The following STC2 variants were observed in gnomAD, a reference collection of about 807,000 sequenced individuals.
The protein encoded by STC2 is stanniocalcin 2, also known as stanniocalcin-2.
In STC2, 7 loss-of-function variants were observed where a neutral mutation model predicts 22.7. The observed-to-expected ratio is 0.31, with a 90% CI of 0.18 to 0.58. The LOEUF (loss-of-function observed/expected upper bound fraction) is 0.58, where lower values mean the gene tolerates loss of function less well. STC2 is among the 20% of genes least tolerant of loss of function. STC2 has a pLI of 0.89. For synonymous variants in STC2, 158 were observed against 163.4 expected (o/e 0.97, Z 0.25); for missense variants, 336 against 406.2 (o/e 0.83, Z 1.48).
Position 173,325,422 on chromosome 5 carries a change from G to C in STC2, c.294+446C>G, listed in dbSNP as rs933349961. ...GAGAGAAAGATCTGCTACTCAGGAG[G>C]AATAGAAGTCTGCTCTTTTGGAGGT... On this transcript the variant is annotated intron_variant, in intron 2 of 3. Coordinates refer to ENST00000265087, the MANE Select transcript of STC2 (RefSeq NM_003714.3). The surrounding 1 kb of genome is among the most constrained non-coding windows in gnomAD (Gnocchi z 4.7). 1.3e-5 allele frequency among the ~76,000 whole-genome samples: 2 copies of C among 152,204 alleles called. No individual in the cohort carries two copies. Among genetic ancestry groups the C allele is most frequent in the African/African-American group, 4.8e-5 (2 of 41,444 alleles).
chr5:173,326,071 G>C, intron 1 of STC2, 61 bp from the exon 2 acceptor site: 2 of 1,551,442 alleles, frequency 1.3e-6, no homozygotes, highest in South Asian at 2.4e-5. Flanking sequence ...GCAATGCAGA[G>C]AGGTCATTTG....
chr5:173,328,103 G>A lies in STC2; in HGVS notation c.91C>T (p.Pro31Ser), dbSNP rs138219439. Reference protein sequence around the residue: ...PARGTDATNPPEGPQDRSSQQ... With the variant: ...PARGTDATNPSEGPQDRSSQQ... Reference sequence around the variant, plus strand: ...GAGCTCCTGTCTTGGGGACCCTCGGGTGGGTTGGTGGCGTCGGTCCCCCGC... The same window carrying A: ...GAGCTCCTGTCTTGGGGACCCTCGGATGGGTTGGTGGCGTCGGTCCCCCGC... The change falls in exon 1 of 4, where the codon CCC (proline) becomes TCC (serine). Residue 31 changes from proline (P) to serine (S), a missense_variant. Coordinates refer to ENST00000265087, the MANE Select transcript of STC2 (RefSeq NM_003714.3). 6 of 1,602,230 alleles carry A rather than the reference G, an allele frequency of 3.7e-6. No homozygotes were observed. The African/African-American group carries it at 8.1e-5, about 22-fold the overall frequency.
Position 173,325,984 on chromosome 5 carries a change from C to A in STC2, c.178G>T (p.Ala60Ser), listed in dbSNP as rs770708060. The change falls in exon 2 of 4, where the codon GCT (alanine) becomes TCT (serine). Residue 60 changes from alanine (A) to serine (S), a missense_variant. Physicochemically the swap from Ala to Ser is moderately conservative, Grantham distance 99 (BLOSUM62 1). Transcript: ENST00000265087. This position sits in a 1 kb window ranked among gnomAD's most constrained non-coding sequence, Gnocchi z 4.7. ...TAEIQHCLVN[A>S]GDVGCGVFEC... ...AACACGCCACACCCCACATCGCCAG[C>A]GTTGACCAAACAGTGCTGGATCTCC... 1 of 1,614,178 alleles carries A rather than the reference C, an allele frequency of 6.2e-7. No individual in the cohort carries two copies. Among genetic ancestry groups the A allele is most frequent in the Middle Eastern group, 1.6e-4 (1 of 6,062 alleles).
At chr5:173,327,859 G>A (rs1000898056) in intron 1 of STC2, among the ~76,000 whole-genome samples, 184 bp downstream of exon 1, 2 of 152,210 alleles carry the variant, frequency 1.3e-5, no homozygotes. Flanking sequence ...CAGATTCCGG[G>A]CCCTCGGAGC....
chr5:173,327,630 C>T (rs979108490), intron 1 of STC2, among the ~76,000 whole-genome samples: 1 of 152,258 alleles, frequency 6.6e-6, no homozygotes, highest in Non-Finnish European at 1.5e-5. Context: ...GCCGGCAGGC[C>T]AGGAAGAGAA....
Position 173,323,043 on chromosome 5 carries a change from A to C in STC2, c.506+176T>G. On this transcript the variant is annotated intron_variant, in intron 3 of 3. Coordinates refer to ENST00000265087, the MANE Select transcript of STC2 (RefSeq NM_003714.3). This position sits in a 1 kb window ranked among gnomAD's most constrained non-coding sequence, Gnocchi z 5.4. ...ATGAGGGAATTCTCTCTTTTCCTAA[A>C]AGCCAGCAGGAAAGGGGCCTTTTAG... The C allele has an allele frequency of 1.6e-6, 1 of 621,960 alleles. No individual in the cohort carries two copies. The highest frequency in any genetic ancestry group is 2.9e-5 in the Admixed American group (1 of 34,202). 38.5% of individuals were successfully genotyped at this position (621,960 alleles called of 1,614,324 possible).
intron 3 of STC2, 93 bp from the exon 4 acceptor site, chr5:173,318,342 G>A: frequency 1.6e-6 from 2 of 1,250,070 alleles, no homozygotes; most frequent in East Asian, 5.7e-5. Flanking sequence ...CAGAGGGCAG[G>A]GGCAATGCTG....
Position 173,324,767 on chromosome 5 carries a change from T to C in STC2, c.294+1101A>G, listed in dbSNP as rs148315346. 2.6e-3 allele frequency among the ~76,000 whole-genome samples: 399 copies of C among 152,362 alleles called. 1 individual carries two copies. Among genetic ancestry groups the C allele is most frequent in the African/African-American group, 9.0e-3 (373 of 41,588 alleles). ...TTCTTGGTATTCTTCCCTGACATCC[T>C]GTGGGATTGCCCTTAAATACACGTC... is the stretch of plus-strand genomic sequence containing the variant. On this transcript the variant is annotated intron_variant, in intron 2 of 3. Coordinates refer to ENST00000265087, the MANE Select transcript of STC2 (RefSeq NM_003714.3).
At chr5:173,324,544 G>A (rs1005041588) in intron 2 of STC2, among the ~76,000 whole-genome samples, 2 of 152,222 alleles carry the variant, frequency 1.3e-5, no homozygotes, top group Admixed American at 6.5e-5. Context: ...CATGTGGCCC[G>A]CATGGCCTCC....
In STC2 at chr5:173,317,511, T is replaced by C; in HGVS notation, c.*336A>G. ...GTGGCCCAGCTCTGGGGGCCCTGCC[T>C]TGCCCTGCCCCTCCCTGGTTCACCT... is the stretch of plus-strand genomic sequence containing the variant. On this transcript the variant is annotated 3_prime_UTR_variant, in exon 4 of 4. Transcript: ENST00000265087. The C allele has an allele frequency of 5.3e-6, 1 of 187,206 alleles. No individual in the cohort carries two copies. Among genetic ancestry groups the C allele is most frequent in the East Asian group, 1.3e-4 (1 of 7,646 alleles). The allele number at this position is 187,206 out of a possible 1,614,324, so 11.6% of individuals were successfully genotyped here. A position where few individuals can be genotyped will look rare whatever the true frequency, so the allele number is the denominator to read the frequency against.
chr5:173,321,297 C>G (rs1762483163), intron 3 of STC2, among the ~76,000 whole-genome samples: 1 of 152,144 alleles, frequency 6.6e-6, no homozygotes, highest in African/African-American at 2.4e-5. Flanking sequence ...AGATAGAATT[C>G]CTGTGCTCCA....
intron 2 of STC2, among the ~76,000 whole-genome samples, chr5:173,324,793 T>C (rs1762526904): frequency 6.6e-6 from 1 of 152,242 alleles, no homozygotes; most frequent in South Asian, 2.1e-4. Context: ...AATACACGTC[T>C]TTCCTCCGGA....
chr5:173,318,242 C>T lies in STC2; in HGVS notation c.514G>A (p.Val172Met), dbSNP rs539321647. The change falls in exon 4 of 4, where the codon GTG (valine) becomes ATG (methionine). Residue 172 changes from valine (V) to methionine (M), a missense_variant. By Grantham distance (21) the Val-to-Met change is conservative (BLOSUM62 1). Transcript: ENST00000265087. ...FKDLLLHEPY[V>M]DLVNLLLTCG... is the part of the protein sequence containing the mutation. ...GTCAGCAGCAAGTTCACGAGGTCCA[C>T]GTAGGGTCTAAAGATTGAAAGCAAA... 11 of 1,460,734 alleles carry T rather than the reference C, an allele frequency of 7.5e-6. No homozygotes were observed. Among genetic ancestry groups the T allele is most frequent in the Middle Eastern group, 3.8e-4 (2 of 5,328 alleles). The allele number at this position is 1,460,734 out of a possible 1,614,324, so 90.5% of individuals were successfully genotyped here. A position where few individuals can be genotyped will look rare whatever the true frequency, so the allele number is the denominator to read the frequency against.
chr5:173,328,310 G>T lies in STC2; in HGVS notation c.-117C>A. On this transcript the variant is annotated 5_prime_UTR_variant, in exon 1 of 4. Transcript: ENST00000265087. ...CTCCTCCCACTCTTCCTTTTTGCTC[G>T]CCTTTTCCCTCCTCCTCGCGGCCGC... The T allele has an allele frequency of 1.7e-6, 2 of 1,178,910 alleles. No individual in the cohort carries two copies. The highest frequency in any genetic ancestry group is 1.6e-5 in the African/African-American group (1 of 63,436). 73.0% of individuals were successfully genotyped at this position (1,178,910 alleles called of 1,614,324 possible).
At chr5:173,318,971 G>A (rs528501829) in intron 3 of STC2, among the ~76,000 whole-genome samples, 33 of 152,312 alleles carry the variant, frequency 2.2e-4, no homozygotes, top group Non-Finnish European at 3.5e-4. Flanking sequence ...GCAGAGGCTG[G>A]GGAGTAGGTG....
At chr5:173,319,904 C>G (rs763555868) in intron 3 of STC2, among the ~76,000 whole-genome samples, 2 of 152,184 alleles carry the variant, frequency 1.3e-5, no homozygotes, top group African/African-American at 2.4e-5. Flanking sequence ...CCCCTGACAG[C>G]GCAAGACAAC....
At position 173,315,651 on chromosome 5, in the gene STC2, A is replaced by T. The variant is rs1386036422; in HGVS notation, c.*2196T>A. ...AAATGAACAGCTGACTCAGCAACGC[A>T]GGAGAATGTTATTGCTTTAGCTTTT... On this transcript the variant is annotated 3_prime_UTR_variant, in exon 4 of 4. Transcript: ENST00000265087. 6.6e-6 allele frequency: 1 copy of T among 152,288 alleles called. No homozygotes were observed. The highest frequency in any genetic ancestry group is 1.5e-5 in the Non-Finnish European group (1 of 68,042). The allele number at this position is 152,288 out of a possible 1,614,324, so 9.4% of individuals were successfully genotyped here.
intron 3 of STC2, among the ~76,000 whole-genome samples, chr5:173,319,997 G>C (rs577355447): frequency 7.2e-5 from 11 of 152,340 alleles, no homozygotes; most frequent in African/African-American, 2.6e-4. Context: ...ACGCGTGCTT[G>C]TTTCCTTCTA....
intron 3 of STC2, among the ~76,000 whole-genome samples, chr5:173,320,564 T>C (rs1446250084): frequency 6.7e-6 from 1 of 150,096 alleles, no homozygotes; most frequent in Non-Finnish European, 1.5e-5. Context: ...CAGCACCCAG[T>C]GACATGGCGA....
Sources: allele counts gnomAD v4.1 joint callset (sites outside exome capture counted in the v4.1 genomes callset), GRCh38; gene constraint gnomAD v4.1.1; non-coding constraint Gnocchi (gnomAD v3.1); transcripts MANE v1.5; gene names NCBI Gene and HGNC (gene_info 2026-07-23, HGNC 2026-07-21).